SYT7: variants seen among roughly 807,000 people sequenced by gnomAD.
SYT7 encodes synaptotagmin 7, also known as synaptotagmin-7.
Under a neutral mutation model 75.1 loss-of-function variants are expected in SYT7, and 29 were observed. The observed-to-expected ratio is 0.39, with a 90% CI of 0.29 to 0.53. SYT7 has a LOEUF of 0.53. SYT7 is among the 20% of genes least tolerant of loss of function. The probability of loss-of-function intolerance (pLI) is 0.77; values close to 1 mark genes in which losing one functional copy is unlikely to be tolerated. For missense variants in SYT7, 693 were observed against 953.2 expected (o/e 0.73, Z 3.59); for synonymous variants, 376 against 401.7 (o/e 0.94, Z 0.76).
At position 61,533,268 on chromosome 11, in the gene SYT7, G is replaced by A. The variant is rs1040755795; in HGVS notation, c.1065-144C>T. On this transcript the variant is annotated intron_variant, in intron 7 of 12. Transcript: ENST00000539008. ...CGGCAGGAGCGGTACTCCAGTCCAC[G>A]TGGACACCTGGTTTTCCCTGGAGAC... 31 of 1,418,742 alleles carry A rather than the reference G, an allele frequency of 2.2e-5. No individual in the cohort carries two copies. The African/African-American group carries it at 2.2e-4, about 10-fold the overall frequency. The allele number at this position is 1,418,742 out of a possible 1,614,324, so 87.9% of individuals were successfully genotyped here.
Position 61,542,484 on chromosome 11 carries a change from C to T in SYT7, c.668G>A (p.Arg223Gln), listed in dbSNP as rs1489562539. 6.5e-7 allele frequency: 1 copy of T among 1,532,996 alleles called. No homozygotes were observed. Among genetic ancestry groups the T allele is most frequent in the South Asian group, 1.2e-5 (1 of 83,878 alleles). 95.0% of individuals were successfully genotyped at this position (1,532,996 alleles called of 1,614,324 possible). The change falls in exon 6 of 13, where the codon CGG becomes CAG. Residue 223 changes from arginine to glutamine, a missense_variant. Coordinates refer to ENST00000539008, the MANE Select transcript of SYT7 (RefSeq NM_001365809.2). The surrounding 1 kb of genome is among the most constrained non-coding windows in gnomAD (Gnocchi z 7.8). The part of the protein sequence containing the change: ...PKCQRPRTLM[R>Q]QQSLQQPLSQ... ...CAGCGGCTGTTGCAGGCTCTGCTGC[C>T]GCATCAGGGTGCGGGGTCGCTGGCA...
chr11:61,537,290 C>T (rs2062895188), intron 7 of SYT7, among the ~76,000 whole-genome samples: 1 of 152,234 alleles, frequency 6.6e-6, no homozygotes, highest in Non-Finnish European at 1.5e-5. Flanking sequence ...GGGATGCCGC[C>T]TGAACCCTGG....
chr11:61,576,599 C>T lies in SYT7; in HGVS notation c.31+4191G>A, dbSNP rs1194612338. Among the ~76,000 whole-genome samples the T allele has an allele frequency of 2.6e-5, 4 of 152,282 alleles. No homozygotes were observed. Among genetic ancestry groups the T allele is most frequent in the Non-Finnish European group, 5.9e-5 (4 of 68,030 alleles). On this transcript the variant is annotated intron_variant, in intron 1 of 12. Coordinates refer to ENST00000539008, the MANE Select transcript of SYT7 (RefSeq NM_001365809.2). This position sits in a 1 kb window ranked among gnomAD's most constrained non-coding sequence, Gnocchi z 4.1. ...ACGTGACCCCTCCCAGCTCTTCTCC[C>T]TGCTGTTCTTCTGTTCTTGGCCTCA...
upstream of SYT7, among the ~76,000 whole-genome samples, chr11:61,582,085 T>TACAC (rs36109978): frequency 2.6e-4 from 39 of 147,792 alleles, no homozygotes; most frequent in Admixed American, 1.4e-3. Context: ...ATCACCTACA[T>TACAC]ACACACACAC....
At chr11:61,536,049 T>G (rs2062860993) in intron 7 of SYT7, among the ~76,000 whole-genome samples, 1 of 151,880 alleles carries the variant, frequency 6.6e-6, no homozygotes, top group South Asian at 2.1e-4. Context: ...AAGGAAGCAT[T>G]GGATTCTGGA....
intron 7 of SYT7, among the ~76,000 whole-genome samples, chr11:61,534,494 C>T (rs1421783022): frequency 6.6e-6 from 1 of 150,906 alleles, no homozygotes; most frequent in Non-Finnish European, 1.5e-5. Context: ...CACATGAGCC[C>T]CACAGACATC....
rs182104365 is a variant in SYT7, at chr11:61,540,536, A to G, written c.941+1675T>C. 2.4e-3 allele frequency: 2,331 copies of G among 985,546 alleles called. 4 individuals carry two copies. Among genetic ancestry groups the G allele is most frequent in the Admixed American group, 4.6e-3 (75 of 16,296 alleles). The allele number at this position is 985,546 out of a possible 1,614,324, so 61.1% of individuals were successfully genotyped here. A position where few individuals can be genotyped will look rare whatever the true frequency, so the allele number is the denominator to read the frequency against. ...CTTGAGGTGAGCTCTGGAGGTTGCC[A>G]GCAACTAGGGGGACATGAGACTTGT... is the stretch of plus-strand genomic sequence containing the variant. On this transcript the variant is annotated intron_variant, in intron 6 of 12. Coordinates refer to ENST00000539008, the MANE Select transcript of SYT7 (RefSeq NM_001365809.2).
rs958285370 is a variant in SYT7 at position 61,542,305 on chromosome 11, G to A, written c.847C>T (p.Arg283Trp). 3.3e-6 allele frequency: 5 copies of A among 1,533,868 alleles called. No homozygotes were observed. The highest frequency in any genetic ancestry group is 1.4e-5 in the African/African-American group (1 of 72,894). The part of the protein sequence containing the change: ...RQGTSAGSKY[R>W]AAGGRSRSNP... Reference sequence around the variant, plus strand: ...GAGCGGCTGCGGCCCCCTGCCGCCCGGTACTTGGAGCCGGCCGAGGTGCCC... The same window carrying A: ...GAGCGGCTGCGGCCCCCTGCCGCCCAGTACTTGGAGCCGGCCGAGGTGCCC... The change falls in exon 6 of 13, where the codon CGG becomes TGG. Residue 283 changes from arginine to tryptophan, a missense_variant. Transcript: ENST00000539008. This position sits in a 1 kb window ranked among gnomAD's most constrained non-coding sequence, Gnocchi z 7.8.
chr11:61,535,270 C>T (rs547264378), intron 7 of SYT7, among the ~76,000 whole-genome samples: 9 of 152,288 alleles, frequency 5.9e-5, no homozygotes, highest in African/African-American at 1.9e-4. Context: ...CAGGGAGGAG[C>T]GTGCGGCCAA....
chr11:61,530,228 T>G (rs1355567133), intron 8 of SYT7, among the ~76,000 whole-genome samples: 2 of 152,178 alleles, frequency 1.3e-5, no homozygotes, highest in African/African-American at 4.8e-5. Flanking sequence ...GCCTTGCTCT[T>G]GCCCTCAGAT....
chr11:61,560,418 T>C (rs2063607016), intron 1 of SYT7, among the ~76,000 whole-genome samples: 2 of 152,136 alleles, frequency 1.3e-5, no homozygotes, highest in Non-Finnish European at 2.9e-5. Flanking sequence ...AGGGGTTGTG[T>C]TGCTAAGGAA....
chr11:61,538,296 G>C, intron 6 of SYT7, 30 bp from the exon 7 acceptor site: 12 of 1,433,042 alleles, frequency 8.4e-6, no homozygotes, highest in Non-Finnish European at 1.1e-5. Flanking sequence ...CACAGGCCAG[G>C]GTGAAACGAG....
chr11:61,578,166 C>A (rs946891255), intron 1 of SYT7, among the ~76,000 whole-genome samples: 4 of 152,186 alleles, frequency 2.6e-5, no homozygotes, highest in Admixed American at 6.5e-5. Context: ...TTCCCACAGT[C>A]CTTTTCTTCA....
upstream of SYT7, among the ~76,000 whole-genome samples, chr11:61,583,357 G>A (rs2064322447): frequency 6.6e-6 from 1 of 152,186 alleles, no homozygotes; most frequent in Non-Finnish European, 1.5e-5. Flanking sequence ...GAGAGGGAGA[G>A]CAGAATTCCT....
rs1034389252 is a variant in SYT7 at position 61,547,208 on chromosome 11, C to G, written c.316G>C (p.Ala106Pro). ...GACAGTCGTGGGTCGCCATAAGGGG[C>G]GTAGGGTGAAATGTTTAGAATAAAC... ...KEFILNISPYAPYGDPRLSLN... is the reference protein window; with the variant it reads ...KEFILNISPYPPYGDPRLSLN... The change falls in exon 4 of 13, where the codon GCC becomes CCC. Residue 106 changes from alanine to proline, a missense_variant. Ala to Pro is a conservative substitution (Grantham distance 27). Transcript: ENST00000539008. The G allele has an allele frequency of 4.6e-6, 7 of 1,535,612 alleles. No individual in the cohort carries two copies. The highest frequency in any genetic ancestry group is 6.1e-6 in the Non-Finnish European group (7 of 1,146,678).
rs2062213265 is a variant in SYT7, at chr11:61,518,699, C to T, written c.1989G>A (p.Glu663=). 6.5e-7 allele frequency: 1 copy of T among 1,549,506 alleles called. No individual in the cohort carries two copies. The highest frequency in any genetic ancestry group is 2.0e-5 in the Admixed American group (1 of 50,868). The change falls in exon 13 of 13, where the codon GAG becomes GAA. Residue 663 remains glutamate, a synonymous_variant. Transcript: ENST00000539008. ...IYLSWKSGPG[E]VKHWKDMIAR... ...CAATCATGTCCTTCCAGTGCTTCAC[C>T]TCCCCTGGCCCGCTCTTCCAGGACA... is the stretch of plus-strand genomic sequence containing the variant.
chr11:61,519,551 G>C (rs2062246478), intron 12 of SYT7, among the ~76,000 whole-genome samples: 1 of 152,238 alleles, frequency 6.6e-6, no homozygotes, highest in South Asian at 2.1e-4. Flanking sequence ...GGGGAGACAT[G>C]CCTATTAAAT....
chr11:61,556,103 C>A lies in SYT7; in HGVS notation c.135+1G>T. The A allele has an allele frequency of 6.2e-7, 1 of 1,613,320 alleles. No homozygotes were observed. The highest frequency in any genetic ancestry group is 8.5e-7 in the Non-Finnish European group (1 of 1,179,666). On this transcript the variant is annotated splice_donor_variant, in intron 2 of 12. Transcript: ENST00000539008. LOFTEE classifies it high-confidence loss of function. ...CTCCAAGGGGCCCTCAGGAGCCTCA[C>A]CAGTTTGCGCTGACACCAGTGGCAG...
upstream of SYT7, among the ~76,000 whole-genome samples, chr11:61,584,682 G>A (rs560104979): frequency 3.3e-5 from 5 of 152,282 alleles, no homozygotes; most frequent in East Asian, 5.8e-4. Flanking sequence ...CAGCCTGAGC[G>A]CCAGAATCCA....
Sources: allele counts gnomAD v4.1 joint callset (sites outside exome capture counted in the v4.1 genomes callset), GRCh38; gene constraint gnomAD v4.1.1; non-coding constraint Gnocchi (gnomAD v3.1); transcripts MANE v1.5; gene names NCBI Gene and HGNC (gene_info 2026-07-23, HGNC 2026-07-21).